Variants in TRIM44 observed in about 807,000 individuals in gnomAD.
TRIM44 encodes tripartite motif-containing protein 44.
Under a neutral mutation model 37.4 loss-of-function variants are expected in TRIM44, and 13 were observed. The ratio of observed to expected loss-of-function variants is 0.35; its 90% confidence interval spans 0.23 to 0.55. TRIM44 has a LOEUF of 0.55. Ranked by LOEUF, TRIM44 falls within the 20% of genes least tolerant of loss-of-function variation. The pLI, the probability that TRIM44 is intolerant of heterozygous loss-of-function variation, is 0.89. For synonymous variants in TRIM44, 175 were observed against 157.2 expected, an observed-to-expected ratio of 1.11 and a Z score of -0.85; for missense variants, 426 against 437.2, an observed-to-expected ratio of 0.97 and a Z score of 0.23.
At chr11:35,794,027 C>T (rs1395109562) in intron 4 of TRIM44, among the ~76,000 whole-genome samples, 1 of 152,152 alleles carries the variant, frequency 6.6e-6, no homozygotes, top group Non-Finnish European at 1.5e-5. Flanking sequence ...GATATGGAAA[C>T]TTTAAAGAGG....
intron 2 of TRIM44, among the ~76,000 whole-genome samples, chr11:35,694,281 C>G (rs968649571): frequency 6.6e-6 from 1 of 152,106 alleles, no homozygotes; most frequent in African/African-American, 2.4e-5. Context: ...AAATCATGGA[C>G]AAAGGACCTA....
chr11:35,805,930 A>G lies in TRIM44; in HGVS notation c.1008-428A>G, dbSNP rs192335827. On this transcript the variant is annotated intron_variant, in intron 4 of 4. Transcript: ENST00000299413. ...GAGTGCCATTGAGAGTGCAGATGGT[A>G]GTAGCTTCTCCTTGTTTTTTCTCTC... Among the ~76,000 whole-genome samples, 877 of 152,256 alleles carry G rather than the reference A, an allele frequency of 5.8e-3. 5 individuals are homozygous for G. Among genetic ancestry groups the G allele is most frequent in the Non-Finnish European group, 9.3e-3 (635 of 68,024 alleles).
chr11:35,804,444 G>A (rs926247913), intron 4 of TRIM44, among the ~76,000 whole-genome samples: 8 of 152,192 alleles, frequency 5.3e-5, no homozygotes, highest in Non-Finnish European at 1.0e-4. Flanking sequence ...ATAAAATTCT[G>A]TATACAATTT....
At chr11:35,795,603 A>G (rs1473300176) in intron 4 of TRIM44, among the ~76,000 whole-genome samples, 3 of 152,204 alleles carry the variant, frequency 2.0e-5, no homozygotes, top group African/African-American at 7.2e-5. Context: ...CCTGTACACT[A>G]AAAGAACAAA....
chr11:35,761,218 A>G (rs919947002), intron 4 of TRIM44, among the ~76,000 whole-genome samples: 2 of 152,162 alleles, frequency 1.3e-5, no homozygotes, highest in African/African-American at 4.8e-5. Context: ...AGTTGATTCC[A>G]CATCTTGGCT....
At chr11:35,691,498 A>C (rs1851635543) in intron 2 of TRIM44, among the ~76,000 whole-genome samples, 1 of 152,246 alleles carries the variant, frequency 6.6e-6, no homozygotes. Context: ...CATTTAGTAC[A>C]TCCAACCTAC....
intron 2 of TRIM44, among the ~76,000 whole-genome samples, chr11:35,696,876 TTAATTAAA>T (rs1404841088): frequency 2.0e-5 from 3 of 151,900 alleles, no homozygotes; most frequent in African/African-American, 7.3e-5. Flanking sequence ...AATTAATTAA[TTAATTAAA>T]TAAAAGGCAA....
At chr11:35,673,865 T>C (rs186692211) in intron 1 of TRIM44, among the ~76,000 whole-genome samples, 90 of 152,164 alleles carry the variant, frequency 5.9e-4, no homozygotes, top group Admixed American at 1.2e-3. Flanking sequence ...TGCCTGCCTG[T>C]TCATTGACAT....
At chr11:35,684,460 G>C (rs574432341) in intron 1 of TRIM44, among the ~76,000 whole-genome samples, 2 of 152,228 alleles carry the variant, frequency 1.3e-5, no homozygotes, top group East Asian at 3.9e-4. Context: ...AATAGTAATA[G>C]CATATGAAAT....
intron 1 of TRIM44, among the ~76,000 whole-genome samples, chr11:35,672,519 A>G (rs1851407200): frequency 6.6e-6 from 1 of 152,210 alleles, no homozygotes; most frequent in Non-Finnish European, 1.5e-5. Context: ...TGGCTTTTCT[A>G]AAGACAGATC....
intron 1 of TRIM44, among the ~76,000 whole-genome samples, chr11:35,681,513 G>A (rs1339979857): frequency 6.6e-6 from 1 of 152,132 alleles, no homozygotes; most frequent in Non-Finnish European, 1.5e-5. Context: ...AACAAGATAT[G>A]CTCACATTGA....
chr11:35,783,626 T>C (rs1023905186), intron 4 of TRIM44, among the ~76,000 whole-genome samples: 18 of 152,198 alleles, frequency 1.2e-4, no homozygotes, highest in Non-Finnish European at 2.2e-4. Context: ...CAGGCTCCCA[T>C]TACTCCAGAG....
chr11:35,692,466 AT>A (rs1851648162), intron 2 of TRIM44, among the ~76,000 whole-genome samples: 1 of 152,156 alleles, frequency 6.6e-6, no homozygotes, highest in African/African-American at 2.4e-5. Context: ...ATTTTCAAAT[AT>A]TTGTGTTATG....
At chr11:35,777,517 G>C (rs1444556445) in intron 4 of TRIM44, among the ~76,000 whole-genome samples, 1 of 152,112 alleles carries the variant, frequency 6.6e-6, no homozygotes, top group African/African-American at 2.4e-5. Context: ...TGGTTATTTT[G>C]CTCGTTAGTT....
intron 4 of TRIM44, among the ~76,000 whole-genome samples, chr11:35,785,299 T>G (rs1183675344): frequency 6.6e-6 from 1 of 152,236 alleles, no homozygotes; most frequent in Non-Finnish European, 1.5e-5. Context: ...ATGGCCCCAC[T>G]GTTGACCATT....
chr11:35,673,674 C>G (rs1386455189), intron 1 of TRIM44, among the ~76,000 whole-genome samples: 1 of 152,112 alleles, frequency 6.6e-6, no homozygotes, highest in Non-Finnish European at 1.5e-5. Context: ...CTCTTTTTCT[C>G]TTTCCTGGCC....
At chr11:35,794,438 T>C (rs1853255546) in intron 4 of TRIM44, among the ~76,000 whole-genome samples, 1 of 152,174 alleles carries the variant, frequency 6.6e-6, no homozygotes, top group South Asian at 2.1e-4. Flanking sequence ...GTTCTTCAGG[T>C]TTCTTTGTTT....
chr11:35,738,793 G>A (rs948070300), intron 4 of TRIM44, among the ~76,000 whole-genome samples: 20 of 152,290 alleles, frequency 1.3e-4, no homozygotes, highest in Admixed American at 1.2e-3. Context: ...CACAAGGGAT[G>A]GATGAGAAAT....
At chr11:35,744,284 G>C (rs570944957) in intron 4 of TRIM44, among the ~76,000 whole-genome samples, 1 of 152,244 alleles carries the variant, frequency 6.6e-6, no homozygotes, top group African/African-American at 2.4e-5. Context: ...ATATTTGGAA[G>C]ATACTCATGC....
Sources: allele counts gnomAD v4.1 joint callset (sites outside exome capture counted in the v4.1 genomes callset), GRCh38; gene constraint gnomAD v4.1.1; transcripts MANE v1.5; gene names NCBI Gene and HGNC (gene_info 2026-07-23, HGNC 2026-07-21).